Variants in ZFHX3 observed in about 807,000 individuals in gnomAD.
The protein encoded by ZFHX3 is zinc finger homeobox 3.
In ZFHX3, 42 loss-of-function variants were observed where a neutral mutation model predicts 279.1. That is an observed-to-expected ratio of 0.15 (90% CI 0.12 to 0.19). ZFHX3 has a LOEUF of 0.19. Ranked by LOEUF, ZFHX3 falls within the 10% of genes least tolerant of loss-of-function variation. The pLI, the probability that ZFHX3 is intolerant of heterozygous loss-of-function variation, is 1.00. For synonymous variants in ZFHX3, 2,293 were observed against 1,957.8 expected, an observed-to-expected ratio of 1.17 and a Z score of -4.52; for missense variants, 4,981 against 4,754.0, an observed-to-expected ratio of 1.05 and a Z score of -1.40.
chr16:73,819,049 G>T (rs768925585), intron 1 of ZFHX3, among the ~76,000 whole-genome samples: 2 of 152,130 alleles, frequency 1.3e-5, no homozygotes, highest in Non-Finnish European at 2.9e-5. Context: ...AGCCTCCTGT[G>T]CAACTGGGTG....
chr16:73,830,225 C>T (rs993945305), intron 1 of ZFHX3, among the ~76,000 whole-genome samples: 6 of 130,412 alleles, frequency 4.6e-5, no homozygotes, highest in South Asian at 2.8e-4. Flanking sequence ...TGACCCCTTG[C>T]GCTTCCCAGG....
At chr16:73,206,097 C>T (rs368632512) in intron 5 of ZFHX3, among the ~76,000 whole-genome samples, 5 of 152,142 alleles carry the variant, frequency 3.3e-5, no homozygotes, top group South Asian at 4.1e-4. Context: ...AATAGAGATG[C>T]GATTGACTAC....
chr16:73,406,677 G>C (rs75736687), intron 3 of ZFHX3, among the ~76,000 whole-genome samples: 166 of 152,274 alleles, frequency 1.1e-3, no homozygotes, highest in Middle Eastern at 6.8e-3. Context: ...CCCAAATCCT[G>C]CCTGTATCTG....
At chr16:73,200,074 C>T (rs1417007530) in intron 5 of ZFHX3, among the ~76,000 whole-genome samples, 1 of 152,022 alleles carries the variant, frequency 6.6e-6, no homozygotes, top group African/African-American at 2.4e-5. Context: ...AAAATGTCAG[C>T]ATGATGAAAA....
intron 2 of ZFHX3, among the ~76,000 whole-genome samples, chr16:73,664,796 G>C (rs1437105861): frequency 6.6e-6 from 1 of 152,218 alleles, no homozygotes; most frequent in Non-Finnish European, 1.5e-5. Flanking sequence ...AATTTTAACA[G>C]AGCATTCAGA....
intron 1 of ZFHX3, among the ~76,000 whole-genome samples, chr16:73,888,574 AT>A (rs1437022663): frequency 3.3e-5 from 5 of 152,238 alleles, no homozygotes; most frequent in Non-Finnish European, 2.9e-5. Context: ...CAGAGAAAAT[AT>A]CAGCTAAAAA....
Position 73,361,457 on chromosome 16 carries a change from C to T in ZFHX3, c.-1290-43121G>A, listed in dbSNP as rs114448325. On this transcript the variant is annotated intron_variant, in intron 3 of 17. Transcript: ENST00000641206. The stretch of plus-strand genomic sequence containing the variant: ...GCTGAATCGCCCAGCTGAAATCATG[C>T]GGAATACCACTGTTGTGGTTTTAAG... Among the ~76,000 whole-genome samples the T allele has an allele frequency of 9.2e-3, 1,408 of 152,316 alleles. 17 individuals are homozygous for T. Among genetic ancestry groups the T allele is most frequent in the African/African-American group, 0.032 (1,325 of 41,558 alleles).
intron 5 of ZFHX3, among the ~76,000 whole-genome samples, chr16:73,212,256 A>C (rs2012047033): frequency 6.6e-6 from 1 of 152,148 alleles, no homozygotes; most frequent in Non-Finnish European, 1.5e-5. Context: ...CTTTCTGTGC[A>C]TATATATCTA....
intron 1 of ZFHX3, among the ~76,000 whole-genome samples, chr16:73,863,276 G>C (rs1961929623): frequency 6.6e-6 from 1 of 152,180 alleles, no homozygotes; most frequent in African/African-American, 2.4e-5. Context: ...GGTATTGAAA[G>C]TGAAGCTTTA....
At position 73,381,394 on chromosome 16, in the gene ZFHX3, C is replaced by T. The variant is rs576275748; in HGVS notation, c.-1290-63058G>A. On this transcript the variant is annotated intron_variant, in intron 3 of 17. Coordinates refer to the ZFHX3 transcript ENST00000641206. ...ATAAAAATTGTGATGAGGGATATGA[C>T]TAGCTGTATATAAAGCCATAGTAAT... 1.4e-4 allele frequency among the ~76,000 whole-genome samples: 21 copies of T among 152,118 alleles called. No individual in the cohort carries two copies. In the South Asian group the frequency reaches 4.2e-3, roughly 30 times the overall value.
intron 2 of ZFHX3, among the ~76,000 whole-genome samples, chr16:73,672,415 G>A (rs1398297998): frequency 2.0e-5 from 3 of 152,044 alleles, no homozygotes; most frequent in Non-Finnish European, 4.4e-5. Context: ...CTTCAAAAAC[G>A]CCATTACAAC....
At chr16:73,003,750 T>C (rs1963592730) in intron 1 of ZFHX3, among the ~76,000 whole-genome samples, 1 of 151,826 alleles carries the variant, frequency 6.6e-6, no homozygotes, top group South Asian at 2.1e-4. Flanking sequence ...TTTTTTTAAT[T>C]GTATAGTATT....
chr16:73,602,533 T>C (rs1026484563), intron 2 of ZFHX3, among the ~76,000 whole-genome samples: 5 of 152,220 alleles, frequency 3.3e-5, no homozygotes, highest in African/African-American at 1.2e-4. Context: ...AAAGTACTTT[T>C]AGGAAGAACT....
At chr16:73,707,565 G>T (rs928814757) in intron 1 of ZFHX3, among the ~76,000 whole-genome samples, 3 of 119,178 alleles carry the variant, frequency 2.5e-5, no homozygotes, top group African/African-American at 9.7e-5. Flanking sequence ...ACAGGAAGGG[G>T]AACATCACAC....
chr16:73,838,690 A>C (rs1961210420), intron 1 of ZFHX3, among the ~76,000 whole-genome samples: 2 of 152,028 alleles, frequency 1.3e-5, no homozygotes, highest in Admixed American at 6.5e-5. Context: ...AGGAAGCAGA[A>C]GGATATGTGA....
At chr16:73,381,443 G>A (rs1185462025) in intron 3 of ZFHX3, among the ~76,000 whole-genome samples, 1 of 152,148 alleles carries the variant, frequency 6.6e-6, no homozygotes, top group Non-Finnish European at 1.5e-5. Flanking sequence ...TTTGGGCAGA[G>A]AGAGAGAGAG....
At chr16:73,534,899 A>G (rs868382206) in intron 2 of ZFHX3, among the ~76,000 whole-genome samples, 12 of 152,284 alleles carry the variant, frequency 7.9e-5, no homozygotes, top group African/African-American at 2.2e-4. Flanking sequence ...CTCCCCAATC[A>G]TCTCACTCTC....
intron 7 of ZFHX3, among the ~76,000 whole-genome samples, chr16:72,806,795 G>A (rs1257779880): frequency 6.6e-6 from 1 of 152,112 alleles, no homozygotes; most frequent in Admixed American, 6.5e-5. Flanking sequence ...AAGGGAAACT[G>A]TGCAGGTACA....
intron 2 of ZFHX3, among the ~76,000 whole-genome samples, chr16:73,644,347 AACCACCC>A: frequency 6.6e-6 from 1 of 151,852 alleles, no homozygotes; most frequent in Non-Finnish European, 1.5e-5. Flanking sequence ...TCCATTCTCT[AACCACCC>A]ACCGGTTGAA....
Sources: gnomAD v4.1 joint callset for allele counts (sites outside exome capture counted in the v4.1 genomes callset) on GRCh38, gnomAD v4.1.1 for gene constraint, MANE v1.5 for transcripts, NCBI Gene and HGNC (gene_info 2026-07-23, HGNC 2026-07-21) for gene names.